The following GAN variants were observed in gnomAD, a reference collection of about 807,000 sequenced individuals.
GAN encodes the protein epididymis secretory sperm binding protein.
In GAN, 48 loss-of-function variants were observed where a neutral mutation model predicts 71.3. The ratio of observed to expected loss-of-function variants is 0.67; its 90% confidence interval spans 0.53 to 0.86. The LOEUF (loss-of-function observed/expected upper bound fraction) is 0.86. Among genes scored for constraint, GAN ranks in the 40% least tolerant of loss-of-function variants. GAN has a pLI of 0.00. For missense variants in GAN, 928 were observed against 770.1 expected, an observed-to-expected ratio of 1.21 and a Z score of -2.43; for synonymous variants, 386 against 276.8, an observed-to-expected ratio of 1.39 and a Z score of -3.92.
rs1030071251 is a variant in GAN, at chr16:81,382,218, C to T, written c.*4622C>T. The T allele has an allele frequency of 1.3e-5, 2 of 152,130 alleles. No individual in the cohort carries two copies. Among genetic ancestry groups the T allele is most frequent in the Admixed American group, 6.5e-5 (1 of 15,268 alleles). The allele number at this position is 152,130 out of a possible 1,614,324, so 9.4% of individuals were successfully genotyped here. On this transcript the variant is annotated 3_prime_UTR_variant, in exon 11 of 11. Coordinates refer to ENST00000648994, the MANE Select transcript of GAN (RefSeq NM_022041.4). Reference sequence around the variant, plus strand: ...TTTAGGGAGGAGCAAGAACCAAAAGCAGAAGCCAGGTCTTTGGATTATCAG... The same window carrying T: ...TTTAGGGAGGAGCAAGAACCAAAAGTAGAAGCCAGGTCTTTGGATTATCAG...
In GAN at chr16:81,387,171, AATAC is replaced by A. The variant is rs1488953769; in HGVS notation, c.*9576_*9579del. On this transcript the variant is annotated 3_prime_UTR_variant, in exon 11 of 11. Transcript: ENST00000648994. ...AAGATGTGTTGGGTGTTAGATCTGC[AATAC>A]TCTTCATAGTGTAATGGCTAAATGT... 1 of 152,214 alleles carries A rather than the reference AATAC, an allele frequency of 6.6e-6. No homozygotes were observed. Among genetic ancestry groups the A allele is most frequent in the Non-Finnish European group, 1.5e-5 (1 of 68,044 alleles). 9.4% of individuals were successfully genotyped at this position (152,214 alleles called of 1,614,324 possible). A position where few individuals can be genotyped will look rare whatever the true frequency, so the allele number is the denominator to read the frequency against.
In GAN at chr16:81,382,340, G is replaced by A. The variant is rs139955978; in HGVS notation, c.*4744G>A. The A allele has an allele frequency of 5.3e-5, 8 of 152,242 alleles. No individual in the cohort carries two copies. The East Asian group carries it at 1.2e-3, about 22-fold the overall frequency. 9.4% of individuals were successfully genotyped at this position (152,242 alleles called of 1,614,324 possible). A position where few individuals can be genotyped will look rare whatever the true frequency, so the allele number is the denominator to read the frequency against. ...CATTTTTAGTATTAATACAATTTACGCTCCCAAACATGTCCTTTGCTAGTT... is the reference window on the plus strand; with the variant it reads ...CATTTTTAGTATTAATACAATTTACACTCCCAAACATGTCCTTTGCTAGTT... On this transcript the variant is annotated 3_prime_UTR_variant, in exon 11 of 11. Transcript: ENST00000648994.
rs1466234151 is a variant in GAN at position 81,381,165 on chromosome 16, C to T, written c.*3569C>T. ...GCTTTGCTATGGCACCTAAGTTACT[C>T]ATGGGTAGTTAAGTTTCATTTCTAG... On this transcript the variant is annotated 3_prime_UTR_variant, in exon 11 of 11. Transcript: ENST00000648994. 1 of 152,200 alleles carries T rather than the reference C, an allele frequency of 6.6e-6. No homozygotes were observed. Among genetic ancestry groups the T allele is most frequent in the African/African-American group, 2.4e-5 (1 of 41,442 alleles). 9.4% of individuals were successfully genotyped at this position (152,200 alleles called of 1,614,324 possible). A position where few individuals can be genotyped will look rare whatever the true frequency, so the allele number is the denominator to read the frequency against.
At chr16:81,370,586 C>G (rs1292362594) in intron 9 of GAN, among the ~76,000 whole-genome samples, 6 of 152,216 alleles carry the variant, frequency 3.9e-5, no homozygotes, top group Admixed American at 1.3e-4. Flanking sequence ...TGAGATTCAT[C>G]CCATTGGAAG....
At chr16:81,315,373 C>T in intron 1 of GAN, 93 bp downstream of exon 1, 1 of 900,360 alleles carries the variant, frequency 1.1e-6, no homozygotes, top group African/African-American at 1.7e-5. Flanking sequence ...GACCCTGTCC[C>T]CTGTCCCCGG....
At chr16:81,366,152 C>T (rs1910850303) in intron 9 of GAN, among the ~76,000 whole-genome samples, 1 of 152,086 alleles carries the variant, frequency 6.6e-6, no homozygotes, top group Non-Finnish European at 1.5e-5. Flanking sequence ...ATTTTTTATC[C>T]CTTCATCTAT....
Position 81,378,804 on chromosome 16 carries a change from A to G in GAN, c.*1208A>G, listed in dbSNP as rs1201777444. Reference sequence around the variant, plus strand: ...TCTTTTCCTCCTTCCCTCCTTTCCTATCTCTCATTCTCACCTCAACCCACT... The same window carrying G: ...TCTTTTCCTCCTTCCCTCCTTTCCTGTCTCTCATTCTCACCTCAACCCACT... On this transcript the variant is annotated 3_prime_UTR_variant, in exon 11 of 11. Transcript: ENST00000648994. The G allele has an allele frequency of 3.3e-5, 5 of 152,398 alleles. No individual in the cohort carries two copies. Among genetic ancestry groups the G allele is most frequent in the African/African-American group, 9.7e-5 (4 of 41,356 alleles). 9.4% of individuals were successfully genotyped at this position (152,398 alleles called of 1,614,324 possible).
intron 1 of GAN, among the ~76,000 whole-genome samples, chr16:81,342,809 C>A (rs914911613): frequency 6.7e-6 from 1 of 150,318 alleles, no homozygotes; most frequent in Non-Finnish European, 1.5e-5. Context: ...GATGGAGACA[C>A]AACCCTTCAA....
intron 9 of GAN, among the ~76,000 whole-genome samples, chr16:81,376,669 T>C (rs1161554443): frequency 2.0e-5 from 3 of 149,696 alleles, no homozygotes; most frequent in Non-Finnish European, 4.4e-5. Context: ...TATGTGTGTA[T>C]ATACATATGT....
intron 9 of GAN, among the ~76,000 whole-genome samples, chr16:81,376,994 A>C (rs1452665741): frequency 1.3e-5 from 2 of 152,228 alleles, no homozygotes; most frequent in African/African-American, 4.8e-5. Flanking sequence ...GTTGGAAAGC[A>C]CATGCTGTTT....
rs572830125 is a variant in GAN at position 81,370,300 on chromosome 16, G to A, written c.1502+4822G>A. Among the ~76,000 whole-genome samples the A allele has an allele frequency of 1.8e-4, 27 of 152,246 alleles. No homozygotes were observed. In the South Asian group the frequency reaches 4.4e-3, roughly 25 times the overall value. On this transcript the variant is annotated intron_variant, in intron 9 of 10. Coordinates refer to ENST00000648994, the MANE Select transcript of GAN (RefSeq NM_022041.4). Reference sequence around the variant, plus strand: ...GTACTTTCAGATGCCTTTGTAAGACGTGTGAACTAGAGGATAAAAGATGAA... The same window carrying A: ...GTACTTTCAGATGCCTTTGTAAGACATGTGAACTAGAGGATAAAAGATGAA...
intron 1 of GAN, among the ~76,000 whole-genome samples, chr16:81,335,691 G>A (rs1366645633): frequency 1.4e-5 from 2 of 142,756 alleles, no homozygotes; most frequent in African/African-American, 5.3e-5. Flanking sequence ...AGGTTGCAGT[G>A]AGCCAAGATC....
chr16:81,322,000 C>G (rs1371541488), intron 1 of GAN, among the ~76,000 whole-genome samples: 1 of 152,204 alleles, frequency 6.6e-6, no homozygotes, highest in Non-Finnish European at 1.5e-5. Context: ...TGGCCCGACA[C>G]TCTACCAGAG....
chr16:81,344,582 C>T (rs957125314), intron 1 of GAN, among the ~76,000 whole-genome samples: 2 of 152,060 alleles, frequency 1.3e-5, no homozygotes, highest in African/African-American at 4.8e-5. Flanking sequence ...GAAACTGGAC[C>T]TTCTTACATC....
Position 81,357,006 on chromosome 16 carries a change from A to G in GAN, c.851+4A>G. ...CTGTTGGTGGAGAAGAGAGAGTGTA[A>G]GTATGAGGTGGGACTTGTTTGAAAA... On this transcript the variant is annotated splice_donor_region_variant and intron_variant, in intron 4 of 10. Coordinates refer to ENST00000648994, the MANE Select transcript of GAN (RefSeq NM_022041.4). 1 of 1,559,376 alleles carries G rather than the reference A, an allele frequency of 6.4e-7. No individual in the cohort carries two copies. The highest frequency in any genetic ancestry group is 8.8e-7 in the Non-Finnish European group (1 of 1,131,276).
At chr16:81,355,696 A>G (rs1416386338) in intron 3 of GAN, among the ~76,000 whole-genome samples, 1 of 152,248 alleles carries the variant, frequency 6.6e-6, no homozygotes, top group African/African-American at 2.4e-5. Flanking sequence ...TATTATAAAT[A>G]AGACACTAGC....
chr16:81,383,816 A>G lies in GAN; in HGVS notation c.*6220A>G, dbSNP rs568188499. Reference sequence around the variant, plus strand: ...GATGAAGTGAACGAGTAGACACTGAATAGGATCCACGTAAATGAACGGCCA... The same window carrying G: ...GATGAAGTGAACGAGTAGACACTGAGTAGGATCCACGTAAATGAACGGCCA... On this transcript the variant is annotated 3_prime_UTR_variant, in exon 11 of 11. Coordinates refer to ENST00000648994, the MANE Select transcript of GAN (RefSeq NM_022041.4). The G allele has an allele frequency of 6.6e-6, 1 of 152,256 alleles. No individual in the cohort carries two copies. Among genetic ancestry groups the G allele is most frequent in the Non-Finnish European group, 1.5e-5 (1 of 68,018 alleles). 9.4% of individuals were successfully genotyped at this position (152,256 alleles called of 1,614,324 possible). A position where few individuals can be genotyped will look rare whatever the true frequency, so the allele number is the denominator to read the frequency against.
chr16:81,326,979 A>G lies in GAN; in HGVS notation c.167+11699A>G, dbSNP rs139636109. On this transcript the variant is annotated intron_variant, in intron 1 of 10. Transcript: ENST00000648994. Reference sequence around the variant, plus strand: ...TCCAAGTAAGGTTGAACTTTCTGCCATAGCATTTTACTATGTAGCTGAATA... The same window carrying G: ...TCCAAGTAAGGTTGAACTTTCTGCCGTAGCATTTTACTATGTAGCTGAATA... Among the ~76,000 whole-genome samples the G allele has an allele frequency of 6.0e-3, 918 of 152,364 alleles. 9 individuals are homozygous for G. The highest frequency in any genetic ancestry group is 0.021 in the African/African-American group (890 of 41,584).
chr16:81,362,117 G>C (rs1447734736), intron 5 of GAN, among the ~76,000 whole-genome samples: 1 of 152,148 alleles, frequency 6.6e-6, no homozygotes, highest in East Asian at 1.9e-4. Flanking sequence ...CTCAGATCTG[G>C]GTATTCCTGG....
Sources: gnomAD v4.1 joint callset for allele counts (sites outside exome capture counted in the v4.1 genomes callset) on GRCh38, gnomAD v4.1.1 for gene constraint, MANE v1.5 for transcripts, NCBI Gene and HGNC (gene_info 2026-07-23, HGNC 2026-07-21) for gene names.